The following RARB variants were observed in gnomAD, a reference collection of about 807,000 sequenced individuals.
RARB encodes the protein retinoic acid receptor beta.
RARB carries 17 observed loss-of-function variants against 51.9 expected under a neutral mutation model. That is an observed-to-expected ratio of 0.33 (90% CI 0.22 to 0.49). The LOEUF is 0.49. RARB is among the 20% of genes least tolerant of loss of function. The probability of loss-of-function intolerance (pLI) is 0.99; values close to 1 mark genes in which losing one functional copy is unlikely to be tolerated. For synonymous variants in RARB, 215 were observed against 195.4 expected (o/e 1.10, Z -0.84); for missense variants, 369 against 550.8 (o/e 0.67, Z 3.30).
At chr3:24,955,138 G>C (rs1575089728) in intron 2 of RARB, among the ~76,000 whole-genome samples, 1 of 152,134 alleles carries the variant, frequency 6.6e-6, no homozygotes, top group Admixed American at 6.5e-5. Flanking sequence ...ATTAAGTGGA[G>C]GATTTTATGA....
chr3:25,521,400 G>A (rs1199901445), intron 3 of RARB, among the ~76,000 whole-genome samples: 1 of 152,186 alleles, frequency 6.6e-6, no homozygotes, highest in Non-Finnish European at 1.5e-5. Flanking sequence ...TGTTTCAAGG[G>A]TGAATCAACA....
chr3:25,252,607 A>G (rs1358694679), intron 5 of RARB, among the ~76,000 whole-genome samples: 1 of 152,112 alleles, frequency 6.6e-6, no homozygotes, highest in Non-Finnish European at 1.5e-5. Flanking sequence ...TTTGGTTGCT[A>G]TTACAGTCAG....
intron 5 of RARB, among the ~76,000 whole-genome samples, chr3:25,175,042 C>T (rs373121700): frequency 1.3e-5 from 2 of 152,178 alleles, no homozygotes; most frequent in East Asian, 3.9e-4. Flanking sequence ...TTCCCATAGA[C>T]CTTTGCTACC....
chr3:24,847,937 C>T (rs1264508502), intron 1 of RARB, among the ~76,000 whole-genome samples: 2 of 152,212 alleles, frequency 1.3e-5, no homozygotes, highest in Non-Finnish European at 2.9e-5. Flanking sequence ...TGTAAGTGGA[C>T]TACTCATCCC....
In RARB at chr3:25,368,969, T is replaced by TA. The variant is rs922034121; in HGVS notation, c.179-92217dup. ...GCTCTTTATGAACTCTACTTACATG[T>TA]AAAAAAATTACATATTTCAAATACT... is the stretch of plus-strand genomic sequence containing the variant. On this transcript the variant is annotated intron_variant, in intron 5 of 11. Transcript: ENST00000383772. Among the ~76,000 whole-genome samples, 5 of 152,282 alleles carry TA rather than the reference T, an allele frequency of 3.3e-5. No homozygotes were observed. In the South Asian group the frequency reaches 6.2e-4, roughly 19 times the overall value.
chr3:25,531,387 G>GATA (rs1698903304), intron 3 of RARB, among the ~76,000 whole-genome samples: 1 of 102,808 alleles, frequency 9.7e-6, no homozygotes, highest in Admixed American at 1.0e-4. Context: ...TAGATAGATA[G>GATA]GTAGATAGAT....
intron 2 of RARB, among the ~76,000 whole-genome samples, chr3:24,866,344 C>T (rs1270571227): frequency 6.6e-6 from 1 of 152,160 alleles, no homozygotes; most frequent in Non-Finnish European, 1.5e-5. Context: ...CTCAACTCCT[C>T]TTCATCCTTT....
chr3:24,905,823 C>A (rs559324924), intron 2 of RARB, among the ~76,000 whole-genome samples: 85 of 152,308 alleles, frequency 5.6e-4, no homozygotes, highest in Middle Eastern at 6.8e-3. Context: ...TACCTACTTA[C>A]ATATTATCCA....
intron 5 of RARB, among the ~76,000 whole-genome samples, chr3:25,211,381 A>AAT (rs969314077): frequency 6.6e-6 from 1 of 152,174 alleles, no homozygotes; most frequent in Non-Finnish European, 1.5e-5. Context: ...ATGTTTTTAG[A>AAT]ATATATATAT....
At chr3:25,023,776 G>A (rs1043367977) in intron 2 of RARB, among the ~76,000 whole-genome samples, 6 of 152,086 alleles carry the variant, frequency 3.9e-5, no homozygotes, top group Non-Finnish European at 8.8e-5. Flanking sequence ...AGATTAGAGC[G>A]GCTATCTAAA....
chr3:24,908,928 A>G (rs1694930980), intron 2 of RARB, among the ~76,000 whole-genome samples: 1 of 152,080 alleles, frequency 6.6e-6, no homozygotes. Context: ...AACTCCCCGT[A>G]ATGGCTAACG....
At chr3:25,595,887 C>A (rs1033355519) in intron 7 of RARB, among the ~76,000 whole-genome samples, 2 of 152,204 alleles carry the variant, frequency 1.3e-5, no homozygotes, top group Non-Finnish European at 2.9e-5. Flanking sequence ...TCATCAGGAA[C>A]TTCTCTTTGT....
chr3:25,445,248 C>G (rs1209723385), intron 1 of RARB, among the ~76,000 whole-genome samples: 1 of 152,130 alleles, frequency 6.6e-6, no homozygotes, highest in African/African-American at 2.4e-5. Context: ...CCCCGCCCAG[C>G]CAAACACCTC....
intron 2 of RARB, among the ~76,000 whole-genome samples, chr3:25,010,729 C>G (rs1382251352): frequency 6.6e-6 from 1 of 152,128 alleles, no homozygotes. Flanking sequence ...GTGATTTGCT[C>G]AGAGTCAAAT....
intron 5 of RARB, among the ~76,000 whole-genome samples, chr3:25,590,720 G>A (rs879605130): frequency 5.9e-5 from 9 of 152,154 alleles, no homozygotes; most frequent in Admixed American, 3.9e-4. Context: ...AGATTTCACC[G>A]TGTGGGCCAG....
chr3:24,950,960 A>G (rs1217691406), intron 2 of RARB, among the ~76,000 whole-genome samples: 2 of 152,134 alleles, frequency 1.3e-5, no homozygotes, highest in African/African-American at 4.8e-5. Flanking sequence ...TGGTCTCAGG[A>G]GGGTTTTTCT....
intron 5 of RARB, among the ~76,000 whole-genome samples, chr3:25,349,833 A>G (rs1705505852): frequency 6.6e-6 from 1 of 152,160 alleles, no homozygotes; most frequent in African/African-American, 2.4e-5. Context: ...TCATGAGTCT[A>G]CAATTTGCAC....
At chr3:24,859,265 G>C (rs1342926100) in intron 2 of RARB, among the ~76,000 whole-genome samples, 1 of 152,070 alleles carries the variant, frequency 6.6e-6, no homozygotes, top group African/African-American at 2.4e-5. Context: ...GGTGGTTCTG[G>C]GAGCTTGAGG....
intron 2 of RARB, among the ~76,000 whole-genome samples, chr3:24,927,037 A>G (rs1003609102): frequency 2.0e-5 from 3 of 152,134 alleles, no homozygotes; most frequent in African/African-American, 7.2e-5. Context: ...GTTTCCTGTC[A>G]TCTATCCCTA....
Sources: gnomAD v4.1 joint callset for allele counts (sites outside exome capture counted in the v4.1 genomes callset) on GRCh38, gnomAD v4.1.1 for gene constraint, MANE v1.5 for transcripts, NCBI Gene and HGNC (gene_info 2026-07-23, HGNC 2026-07-21) for gene names.